Variants in CAMTA1 observed in about 807,000 individuals in gnomAD.
CAMTA1 encodes the protein calmodulin-binding transcription activator 1.
CAMTA1 carries 27 observed loss-of-function variants against 170.9 expected under a neutral mutation model. The observed-to-expected ratio is 0.16, with a 90% CI of 0.12 to 0.22. CAMTA1 has a LOEUF of 0.22. CAMTA1 is among the 10% of genes least tolerant of loss of function. The pLI is 1.00. For missense variants in CAMTA1, 1,619 were observed against 2,217.2 expected (o/e 0.73, Z 5.42); for synonymous variants, 833 against 891.5 (o/e 0.93, Z 1.17).
At chr1:6,843,081 G>A (rs974924885) in intron 3 of CAMTA1, among the ~76,000 whole-genome samples, 3 of 152,220 alleles carry the variant, frequency 2.0e-5, no homozygotes, top group African/African-American at 7.2e-5. Context: ...GCAGTATACG[G>A]TACTCAAAGC....
Position 7,736,319 on chromosome 1 carries a change from C to CG in CAMTA1, c.3067-24dup, listed in dbSNP as rs1447873542. The CG allele has an allele frequency of 1.2e-6, 2 of 1,606,976 alleles. No individual in the cohort carries two copies. Among genetic ancestry groups the CG allele is most frequent in the Non-Finnish European group, 1.7e-6 (2 of 1,176,026 alleles). On this transcript the variant is annotated intron_variant, in intron 12 of 22. Coordinates refer to ENST00000303635, the MANE Select transcript of CAMTA1 (RefSeq NM_015215.4). This position sits in a 1 kb window ranked among gnomAD's most constrained non-coding sequence, Gnocchi z 4.5. ...GGTCGAGGGCCTTTAGTCCTGAGGT[C>CG]GTAACGTGCGCTTTTTTGTGACAGT...
intron 1 of CAMTA1, among the ~76,000 whole-genome samples, chr1:6,810,534 C>A (rs934851103): frequency 3.9e-5 from 6 of 152,144 alleles, no homozygotes; most frequent in Admixed American, 3.9e-4. Context: ...TGGCTGGGCG[C>A]GGTGGCTCAT....
chr1:6,974,122 C>T lies in CAMTA1; in HGVS notation c.235-117182C>T, dbSNP rs1235567893. On this transcript the variant is annotated intron_variant, in intron 3 of 22. Transcript: ENST00000303635. Reference sequence around the variant, plus strand: ...GGGGGCCCACACAGTGTGTGGAGCTCGGTCTGGGCTGCTCTGGTTTGTAAT... The same window carrying T: ...GGGGGCCCACACAGTGTGTGGAGCTTGGTCTGGGCTGCTCTGGTTTGTAAT... Among the ~76,000 whole-genome samples the T allele has an allele frequency of 2.6e-5, 4 of 152,100 alleles. No homozygotes were observed. In the East Asian group the frequency reaches 5.8e-4, roughly 22 times the overall value.
chr1:6,915,580 G>A lies in CAMTA1; in HGVS notation c.234+90370G>A, dbSNP rs1680600375. Among the ~76,000 whole-genome samples the A allele has an allele frequency of 2.0e-5, 3 of 152,226 alleles. No individual in the cohort carries two copies. In the South Asian group the frequency reaches 6.2e-4, roughly 31 times the overall value. On this transcript the variant is annotated intron_variant, in intron 3 of 22. Coordinates refer to ENST00000303635, the MANE Select transcript of CAMTA1 (RefSeq NM_015215.4). ...GAGCAGTGCAGCCTGAAGCTAGAGA[G>A]AGTGGACAACGTGGTCTAGAAGGAG...
At chr1:7,619,090 T>A (rs1403938474) in intron 6 of CAMTA1, among the ~76,000 whole-genome samples, 1 of 152,166 alleles carries the variant, frequency 6.6e-6, no homozygotes, top group Non-Finnish European at 1.5e-5. Flanking sequence ...GTTCACCCAA[T>A]GTGAGAGAGG....
intron 11 of CAMTA1, among the ~76,000 whole-genome samples, chr1:7,687,158 G>A (rs1457923174): frequency 6.6e-6 from 1 of 151,892 alleles, no homozygotes; most frequent in Admixed American, 6.6e-5. Context: ...AAACAGCACA[G>A]ATGAAGCAGA....
intron 11 of CAMTA1, among the ~76,000 whole-genome samples, chr1:7,718,961 TATA>T (rs2096632029): frequency 6.6e-6 from 1 of 152,068 alleles, no homozygotes; most frequent in Admixed American, 6.5e-5. Flanking sequence ...AATTCTTGTT[TATA>T]ATATTTCTGA....
At chr1:7,075,458 C>T (rs1202913406) in intron 3 of CAMTA1, among the ~76,000 whole-genome samples, 1 of 152,210 alleles carries the variant, frequency 6.6e-6, no homozygotes, top group Non-Finnish European at 1.5e-5. Flanking sequence ...TCAGGACTCA[C>T]TGGTTACCAC....
chr1:6,802,672 G>A (rs766703111), intron 1 of CAMTA1, among the ~76,000 whole-genome samples: 6 of 152,214 alleles, frequency 3.9e-5, no homozygotes, highest in Non-Finnish European at 7.3e-5. Context: ...CAGCCTGGGT[G>A]TGTGTGGAGT....
rs549714435 is a variant in CAMTA1, at chr1:7,358,571, G to A, written c.438+108945G>A. Among the ~76,000 whole-genome samples the A allele has an allele frequency of 8.5e-5, 13 of 152,248 alleles. No homozygotes were observed. The South Asian group carries it at 2.1e-3, about 24-fold the overall frequency. On this transcript the variant is annotated intron_variant, in intron 5 of 22. Transcript: ENST00000303635. ...CGCCACCCCTGCCCCGGGCAGCCCC[G>A]GCTGCTCCTTCATCACAGAGCCCAG...
chr1:7,499,885 G>T (rs1408075254), intron 6 of CAMTA1, among the ~76,000 whole-genome samples: 6 of 146,728 alleles, frequency 4.1e-5, no homozygotes, highest in Non-Finnish European at 7.5e-5. Flanking sequence ...TGTGAGCCTG[G>T]TGTGCATGCT....
In CAMTA1 at chr1:7,463,198, G is replaced by T. The variant is rs987232148; in HGVS notation, c.439-4632G>T. 6.6e-6 allele frequency among the ~76,000 whole-genome samples: 1 copy of T among 152,220 alleles called. No individual in the cohort carries two copies. Among genetic ancestry groups the T allele is most frequent in the Non-Finnish European group, 1.5e-5 (1 of 68,046 alleles). On this transcript the variant is annotated intron_variant, in intron 5 of 22. Transcript: ENST00000303635. The surrounding 1 kb of genome is among the most constrained non-coding windows in gnomAD (Gnocchi z 4.7). The stretch of plus-strand genomic sequence containing the variant: ...CCCCGGGGCTCCATGCCCTAAGCAT[G>T]CTCTGCTCAGGACGCCTTGGGTAAG...
At chr1:7,236,690 C>A (rs1205808976) in intron 4 of CAMTA1, among the ~76,000 whole-genome samples, 1 of 152,192 alleles carries the variant, frequency 6.6e-6, no homozygotes, top group Non-Finnish European at 1.5e-5. Flanking sequence ...AAGGGCCCTC[C>A]CCGGCACCTG....
chr1:7,439,135 G>A (rs1342052681), intron 5 of CAMTA1, among the ~76,000 whole-genome samples: 1 of 152,138 alleles, frequency 6.6e-6, no homozygotes, highest in East Asian at 1.9e-4. Flanking sequence ...GCCCCTCCAG[G>A]CCCTGCTGCT....
chr1:7,718,940 T>C (rs1431960077), intron 11 of CAMTA1, among the ~76,000 whole-genome samples: 1 of 151,930 alleles, frequency 6.6e-6, no homozygotes, highest in African/African-American at 2.4e-5. Context: ...AGTCTTACTT[T>C]AGAATGTCTC....
chr1:7,268,525 T>G (rs1669248934), intron 5 of CAMTA1, among the ~76,000 whole-genome samples: 1 of 152,188 alleles, frequency 6.6e-6, no homozygotes, highest in East Asian at 1.9e-4. Flanking sequence ...GAGATGCTAA[T>G]GAACACCTGG....
intron 1 of CAMTA1, among the ~76,000 whole-genome samples, chr1:6,792,267 T>A (rs960855531): frequency 1.3e-5 from 2 of 151,890 alleles, no homozygotes; most frequent in African/African-American, 2.4e-5. Flanking sequence ...CGGAAGTGTT[T>A]CCTTGTATAA....
intron 11 of CAMTA1, among the ~76,000 whole-genome samples, chr1:7,729,544 C>T (rs1356179442): frequency 6.6e-6 from 1 of 152,212 alleles, no homozygotes; most frequent in African/African-American, 2.4e-5. Context: ...TTGAGTAGAG[C>T]TAAGCTTTCT....
At chr1:6,839,638 T>C (rs1654851967) in intron 3 of CAMTA1, among the ~76,000 whole-genome samples, 1 of 152,020 alleles carries the variant, frequency 6.6e-6, no homozygotes, top group African/African-American at 2.4e-5. Context: ...TGTGAGCACA[T>C]CAGTAGATTT....
Sources: gnomAD v4.1 joint callset for allele counts (sites outside exome capture counted in the v4.1 genomes callset) on GRCh38, gnomAD v4.1.1 for gene constraint, Gnocchi (gnomAD v3.1) non-coding constraint, MANE v1.5 for transcripts, NCBI Gene and HGNC (gene_info 2026-07-23, HGNC 2026-07-21) for gene names.